The following ST18 variants were observed in gnomAD, a reference collection of about 807,000 sequenced individuals.
ST18 encodes the protein ST18 C2H2C-type zinc finger transcription factor, also known as suppression of tumorigenicity 18 protein.
ST18 carries 50 observed loss-of-function variants against 110.0 expected under a neutral mutation model. That is an observed-to-expected ratio of 0.45 (90% CI 0.36 to 0.58). The LOEUF is 0.58. ST18 is among the 20% of genes least tolerant of loss of function. ST18 has a pLI of 0.00. For synonymous variants in ST18, 461 were observed against 452.4 expected (o/e 1.02, Z -0.24); for missense variants, 1,306 against 1,280.1 (o/e 1.02, Z -0.31).
rs190435110 is a variant in ST18, at chr8:52,189,546, A to C, written c.87-9234T>G. ...TGTCTCTGGGCCTGAAGCAGTTCTTAAACTCAGAACCCAGTGATTGAAAGA... is the reference window on the plus strand; with the variant it reads ...TGTCTCTGGGCCTGAAGCAGTTCTTCAACTCAGAACCCAGTGATTGAAAGA... On this transcript the variant is annotated intron_variant, in intron 8 of 25. Transcript: ENST00000689386. Among the ~76,000 whole-genome samples, 6 of 152,346 alleles carry C rather than the reference A, an allele frequency of 3.9e-5. No individual in the cohort carries two copies. In the East Asian group the frequency reaches 1.2e-3, roughly 29 times the overall value.
chr8:52,320,500 A>G (rs1227907212), intron 2 of ST18, among the ~76,000 whole-genome samples: 1 of 152,222 alleles, frequency 6.6e-6, no homozygotes, highest in Non-Finnish European at 1.5e-5. Context: ...TTTATAAAGA[A>G]TTCATGTAAA....
intron 8 of ST18, among the ~76,000 whole-genome samples, chr8:52,202,490 C>T (rs28480394): frequency 0.024 from 3,623 of 152,230 alleles, 136 homozygotes; most frequent in African/African-American, 0.08. Context: ...GGCAGAGAAT[C>T]TGCTTTCTTC....
intron 2 of ST18, among the ~76,000 whole-genome samples, chr8:52,268,284 C>CA (rs1436713301): frequency 6.6e-6 from 1 of 152,150 alleles, no homozygotes; most frequent in Admixed American, 6.5e-5. Context: ...TAAGTATTGA[C>CA]AAAAGATATA....
At chr8:52,138,478 G>A (rs539680640) in intron 17 of ST18, among the ~76,000 whole-genome samples, 12 of 152,262 alleles carry the variant, frequency 7.9e-5, no homozygotes, top group Non-Finnish European at 1.6e-4. Context: ...CAGCTACTCA[G>A]GAAACTGAGG....
intron 2 of ST18, among the ~76,000 whole-genome samples, chr8:52,350,768 T>A (rs1819934760): frequency 6.6e-6 from 1 of 151,968 alleles, no homozygotes; most frequent in Non-Finnish European, 1.5e-5. Context: ...TTGCCCAGGC[T>A]GAAGTGCAGT....
chr8:52,406,098 G>A (rs2141160469), intron 2 of ST18: 1 of 152,304 alleles, frequency 6.6e-6, no homozygotes, highest in South Asian at 2.1e-4. Flanking sequence ...TAGCTGTGAA[G>A]ACAAGAGTCA....
intron 25 of ST18, among the ~76,000 whole-genome samples, chr8:52,115,926 G>T (rs967657396): frequency 7.2e-5 from 11 of 152,042 alleles, no homozygotes; most frequent in Admixed American, 5.9e-4. Context: ...GCAAATAATG[G>T]TCTCAAATTT....
At chr8:52,331,949 T>C (rs1244119037) in intron 2 of ST18, among the ~76,000 whole-genome samples, 1 of 152,184 alleles carries the variant, frequency 6.6e-6, no homozygotes, top group Non-Finnish European at 1.5e-5. Flanking sequence ...AATTATTTAA[T>C]AAAAGTCAAG....
intron 2 of ST18, among the ~76,000 whole-genome samples, chr8:52,240,515 A>T (rs1364649029): frequency 3.9e-5 from 6 of 152,140 alleles, no homozygotes; most frequent in African/African-American, 1.4e-4. Context: ...CTTTCTAAGG[A>T]TGGGTTCTCC....
chr8:52,256,123 G>A (rs1207208243), intron 2 of ST18, among the ~76,000 whole-genome samples: 1 of 152,328 alleles, frequency 6.6e-6, no homozygotes, highest in Non-Finnish European at 1.5e-5. Context: ...CTTAAATGGG[G>A]TGCAACACTA....
At chr8:52,284,934 C>G (rs1327186840) in intron 2 of ST18, among the ~76,000 whole-genome samples, 1 of 151,994 alleles carries the variant, frequency 6.6e-6, no homozygotes, top group Non-Finnish European at 1.5e-5. Context: ...ATATTCTGTC[C>G]ACATCAGAAG....
intron 2 of ST18, among the ~76,000 whole-genome samples, chr8:52,250,864 A>G (rs1229558275): frequency 1.3e-5 from 2 of 152,136 alleles, no homozygotes; most frequent in Non-Finnish European, 2.9e-5. Context: ...ATATGATTAT[A>G]AGCTAAAGAG....
intron 2 of ST18, chr8:52,296,250 C>T (rs1392460597): frequency 1.3e-5 from 2 of 152,162 alleles, no homozygotes; most frequent in Admixed American, 6.5e-5. Flanking sequence ...ATATTTTCCC[C>T]TACGGTTGTT....
chr8:52,229,863 T>G (rs1203362195), intron 3 of ST18, 169 bp downstream of exon 3: 1 of 152,242 alleles, frequency 6.6e-6, no homozygotes, highest in Non-Finnish European at 1.5e-5. Flanking sequence ...AAAATCTATA[T>G]GAACATAACC....
chr8:52,345,548 G>C (rs1252178368), intron 2 of ST18, among the ~76,000 whole-genome samples: 1 of 152,194 alleles, frequency 6.6e-6, no homozygotes, highest in Non-Finnish European at 1.5e-5. Flanking sequence ...AAGAGTGATG[G>C]GGATGGTGTA....
At chr8:52,198,925 C>T (rs2077048474) in intron 8 of ST18, among the ~76,000 whole-genome samples, 1 of 152,100 alleles carries the variant, frequency 6.6e-6, no homozygotes, top group Admixed American at 6.5e-5. Context: ...TCCCCAGGCC[C>T]ACCTCCTTCC....
chr8:52,124,174 G>A (rs7002709), intron 23 of ST18, among the ~76,000 whole-genome samples: 1 of 149,508 alleles, frequency 6.7e-6, no homozygotes, highest in African/African-American at 2.5e-5. Context: ...TCTCATTTTT[G>A]AATTAATTTT....
At position 52,171,984 on chromosome 8, in the gene ST18, C is replaced by A. The variant is rs1334524124; in HGVS notation, c.877G>T (p.Gly293Cys). 5.0e-6 allele frequency: 8 copies of A among 1,614,190 alleles called. No individual in the cohort carries two copies. Among genetic ancestry groups the A allele is most frequent in the Non-Finnish European group, 6.8e-6 (8 of 1,180,032 alleles). Reference protein sequence around the residue: ...SESLAVMTEEGSDLEKAKGNL... With the variant: ...SESLAVMTEECSDLEKAKGNL... ...CCCTTGGCCTTTTCCAGGTCACTAC[C>A]CTCTTCCGTCATTACTGCCAGGCTC... Residue 293 changes from glycine (G) to cysteine (C), a missense_variant, in exon 10 of 26, where the codon GGT (glycine) becomes TGT (cysteine). By Grantham distance (159) the Gly-to-Cys change is radical. Transcript: ENST00000689386.
intron 2 of ST18, among the ~76,000 whole-genome samples, chr8:52,303,650 G>A (rs184786153): frequency 6.6e-6 from 1 of 152,324 alleles, no homozygotes; most frequent in East Asian, 1.9e-4. Flanking sequence ...CTTCTGTGAT[G>A]TTCCTGCCAA....
Sources: allele counts gnomAD v4.1 joint callset (sites outside exome capture counted in the v4.1 genomes callset), GRCh38; gene constraint gnomAD v4.1.1; transcripts MANE v1.5; gene names NCBI Gene and HGNC (gene_info 2026-07-23, HGNC 2026-07-21).